Variants in PRKN observed in about 807,000 individuals in gnomAD.
PRKN encodes the protein E3 ubiquitin-protein ligase parkin.
Under a neutral mutation model 59.5 loss-of-function variants are expected in PRKN, and 56 were observed. That is an observed-to-expected ratio of 0.94 (90% CI 0.76 to 1.18). The LOEUF (loss-of-function observed/expected upper bound fraction) is 1.18, where lower values mean the gene tolerates loss of function less well. Among genes scored for constraint, PRKN ranks in the 50% most tolerant of loss-of-function variants. The pLI, the probability that PRKN is intolerant of heterozygous loss-of-function variation, is 0.00. For missense variants in PRKN, 657 were observed against 596.4 expected (o/e 1.10, Z -1.06); for synonymous variants, 250 against 222.1 (o/e 1.13, Z -1.12).
Position 162,469,822 on chromosome 6 carries a change from G to A in PRKN, c.8-26349C>T, listed in dbSNP as rs142800345. ...TGGGTTCACCAAAATCTCACAAATC[G>A]CTACTAAAGAACTTACACATGTAGC... On this transcript the variant is annotated intron_variant, in intron 1 of 11. Coordinates refer to ENST00000366898, the MANE Select transcript of PRKN (RefSeq NM_004562.3). Among the ~76,000 whole-genome samples the A allele has an allele frequency of 7.5e-4, 114 of 151,928 alleles. 1 individual carries two copies. The East Asian group carries it at 0.011, about 15-fold the overall frequency.
chr6:161,632,346 G>A (rs1286376557), intron 7 of PRKN, among the ~76,000 whole-genome samples: 1 of 152,190 alleles, frequency 6.6e-6, no homozygotes, highest in African/African-American at 2.4e-5. Flanking sequence ...AACCCAGGCA[G>A]ACACAGGCAT....
At chr6:162,095,571 T>A (rs1779690863) in intron 4 of PRKN, among the ~76,000 whole-genome samples, 1 of 152,196 alleles carries the variant, frequency 6.6e-6, no homozygotes, top group Non-Finnish European at 1.5e-5. Flanking sequence ...TGTAATGAAT[T>A]TTATATTTTT....
At chr6:162,424,186 C>T (rs970754962) in intron 2 of PRKN, among the ~76,000 whole-genome samples, 4 of 152,194 alleles carry the variant, frequency 2.6e-5, no homozygotes, top group Non-Finnish European at 4.4e-5. Flanking sequence ...ATCTATAGGA[C>T]ATCCTGGAAA....
chr6:162,427,475 G>C (rs926058088), intron 2 of PRKN, among the ~76,000 whole-genome samples: 1 of 152,138 alleles, frequency 6.6e-6, no homozygotes, highest in African/African-American at 2.4e-5. Context: ...CTATTCATTA[G>C]TGAACACAGG....
chr6:161,542,278 C>A (rs1779643044), intron 9 of PRKN, among the ~76,000 whole-genome samples: 1 of 152,180 alleles, frequency 6.6e-6, no homozygotes, highest in South Asian at 2.1e-4. Flanking sequence ...AACAGTGGAT[C>A]ATTGTAGTTA....
Position 161,466,708 on chromosome 6 carries a change from A to G in PRKN, c.1084-79831T>C, listed in dbSNP as rs1338041145. Reference sequence around the variant, plus strand: ...ATACTGCTAGGGCAAACATCCACACACAGACACACAGACATACAAACAACC... The same window carrying G: ...ATACTGCTAGGGCAAACATCCACACGCAGACACACAGACATACAAACAACC... On this transcript the variant is annotated intron_variant, in intron 9 of 11. Coordinates refer to ENST00000366898, the MANE Select transcript of PRKN (RefSeq NM_004562.3). This position sits in a 1 kb window ranked among gnomAD's most constrained non-coding sequence, Gnocchi z 5.0. Among the ~76,000 whole-genome samples the G allele has an allele frequency of 6.6e-6, 1 of 151,982 alleles. No individual in the cohort carries two copies. Among genetic ancestry groups the G allele is most frequent in the African/African-American group, 2.4e-5 (1 of 41,438 alleles).
At chr6:161,389,215 C>T (rs1375208597) in intron 9 of PRKN, among the ~76,000 whole-genome samples, 3 of 152,166 alleles carry the variant, frequency 2.0e-5, no homozygotes, top group African/African-American at 7.2e-5. Context: ...TTCATGTTGT[C>T]TTCACCATGT....
chr6:162,448,856 CCTTT>C lies in PRKN; in HGVS notation c.8-5387_8-5384del, dbSNP rs371247194. ...TCCCTCCTTCCCTTCCTCCCTCCCT[CCTTT>C]ATTTCTTTCTTTTCCTCTCTCTCTC... On this transcript the variant is annotated intron_variant, in intron 1 of 11. Coordinates refer to ENST00000366898, the MANE Select transcript of PRKN (RefSeq NM_004562.3). 2.8e-3 allele frequency among the ~76,000 whole-genome samples: 418 copies of C among 150,666 alleles called. 1 individual carries two copies. Among genetic ancestry groups the C allele is most frequent in the African/African-American group, 6.2e-3 (254 of 40,974 alleles).
chr6:162,621,886 G>C (rs1418533341), intron 1 of PRKN, among the ~76,000 whole-genome samples: 1 of 152,058 alleles, frequency 6.6e-6, no homozygotes, highest in Admixed American at 6.6e-5. Context: ...CACCATCTCG[G>C]CTTACTGCAG....
In PRKN at chr6:161,680,757, ATATATATATATATATATATTT is replaced by A. The variant is rs1427897055; in HGVS notation, c.871+104994_871+105014del. Among the ~76,000 whole-genome samples the A allele has an allele frequency of 3.5e-3, 49 of 14,172 alleles. 1 individual carries two copies. Among genetic ancestry groups the A allele is most frequent in the East Asian group, 0.018 (6 of 342 alleles). 9.3% of individuals were successfully genotyped at this position (14,172 alleles called of 152,430 possible). ...TATATATATATATATATATATATAT[ATATATATATATATATATATTT>A]TTTTTTTTTTTTCTTTTCCTAAAAC... On this transcript the variant is annotated intron_variant, in intron 7 of 11. Coordinates refer to ENST00000366898, the MANE Select transcript of PRKN (RefSeq NM_004562.3).
intron 9 of PRKN, among the ~76,000 whole-genome samples, chr6:161,394,202 A>G (rs1489635669): frequency 1.3e-5 from 2 of 152,196 alleles, no homozygotes; most frequent in African/African-American, 2.4e-5. Context: ...TCAAGTACAC[A>G]ACATCTTAAA....
intron 2 of PRKN, among the ~76,000 whole-genome samples, chr6:162,367,514 C>T (rs1222296444): frequency 6.6e-6 from 1 of 152,024 alleles, no homozygotes; most frequent in African/African-American, 2.4e-5. Flanking sequence ...TAAAAATTAA[C>T]CCACCAATGA....
intron 7 of PRKN, among the ~76,000 whole-genome samples, chr6:161,585,187 C>T (rs1028253293): frequency 6.6e-6 from 1 of 152,216 alleles, no homozygotes; most frequent in South Asian, 2.1e-4. Context: ...CTGAAGCACA[C>T]GGGCACCATT....
At chr6:162,437,293 C>CTTGT (rs35087580) in intron 2 of PRKN, among the ~76,000 whole-genome samples, 17,648 of 151,824 alleles carry the variant, frequency 0.12, 1,377 homozygotes, top group African/African-American at 0.23. Context: ...AAATAGCAAG[C>CTTGT]TTATTTTCTA....
intron 1 of PRKN, among the ~76,000 whole-genome samples, chr6:162,536,766 C>A (rs1477485015): frequency 2.0e-5 from 3 of 152,102 alleles, no homozygotes; most frequent in Admixed American, 6.5e-5. Context: ...TAAAGAACTG[C>A]AAGAAATATG....
In PRKN at chr6:161,379,963, T is replaced by TA. The variant is rs1232021623; in HGVS notation, c.1167+6830dup. On this transcript the variant is annotated intron_variant, in intron 10 of 11. Coordinates refer to ENST00000366898, the MANE Select transcript of PRKN (RefSeq NM_004562.3). The surrounding 1 kb of genome is among the most constrained non-coding windows in gnomAD (Gnocchi z 4.9). ...GCACCCATCTGATGACGTCAATCTT[T>TA]AAAAAATCTCCAGATGCCTTCTCAC... Among the ~76,000 whole-genome samples the TA allele has an allele frequency of 6.6e-6, 1 of 152,188 alleles. No homozygotes were observed. Among genetic ancestry groups the TA allele is most frequent in the East Asian group, 1.9e-4 (1 of 5,192 alleles).
At chr6:161,768,592 G>T (rs976705917) in intron 7 of PRKN, among the ~76,000 whole-genome samples, 3 of 152,142 alleles carry the variant, frequency 2.0e-5, no homozygotes, top group Admixed American at 6.5e-5. Flanking sequence ...GATATAAAAA[G>T]TAAATCAAAC....
At chr6:162,129,353 T>C (rs1781250000) in intron 4 of PRKN, among the ~76,000 whole-genome samples, 1 of 152,204 alleles carries the variant, frequency 6.6e-6, no homozygotes, top group African/African-American at 2.4e-5. Flanking sequence ...TAAATAAGTG[T>C]TTGCAACTGG....
intron 3 of PRKN, among the ~76,000 whole-genome samples, chr6:162,209,688 C>T (rs1785110439): frequency 6.6e-6 from 1 of 152,264 alleles, no homozygotes; most frequent in Non-Finnish European, 1.5e-5. Context: ...TTCACACTAG[C>T]AAAGACTTGG....
Sources: allele counts gnomAD v4.1 joint callset (sites outside exome capture counted in the v4.1 genomes callset), GRCh38; gene constraint gnomAD v4.1.1; non-coding constraint Gnocchi (gnomAD v3.1); transcripts MANE v1.5; gene names NCBI Gene and HGNC (gene_info 2026-07-23, HGNC 2026-07-21).